Variants in DPYSL3 observed in about 807,000 individuals in gnomAD.
DPYSL3 encodes the protein dihydropyrimidinase like 3.
In DPYSL3, 16 loss-of-function variants were observed where a neutral mutation model predicts 66.1. The ratio of observed to expected loss-of-function variants is 0.24; its 90% CI spans 0.16 to 0.37. The LOEUF (loss-of-function observed/expected upper bound fraction) is 0.37, where lower values mean the gene tolerates loss of function less well. DPYSL3 is among the 10% of genes least tolerant of loss of function. The pLI, the probability that DPYSL3 is intolerant of heterozygous loss-of-function variation, is 1.00. For synonymous variants in DPYSL3, 338 were observed against 345.1 expected (o/e 0.98, Z 0.23); for missense variants, 738 against 916.2 (o/e 0.81, Z 2.51).
chr5:147,394,032 TG>T lies in DPYSL3; in HGVS notation c.*2del. ...TCTGCCCCTCTCTTTGAGGAAGGCT[TG>T]CTTAACTCAGAGATGTGATATTAGA... is the stretch of plus-strand genomic sequence containing the variant. On this transcript the variant is annotated 3_prime_UTR_variant, in exon 14 of 14. Transcript: ENST00000343218. 6.2e-7 allele frequency: 1 copy of T among 1,614,066 alleles called. No individual in the cohort carries two copies. Among genetic ancestry groups the T allele is most frequent in the Non-Finnish European group, 8.5e-7 (1 of 1,179,956 alleles).
intron 11 of DPYSL3, among the ~76,000 whole-genome samples, chr5:147,398,772 G>C (rs895008541): frequency 6.6e-6 from 1 of 152,156 alleles, no homozygotes; most frequent in Non-Finnish European, 1.5e-5. Context: ...ACATCTAGGG[G>C]AAGCTTTCAG....
chr5:147,401,254 T>C (rs1758168436), intron 9 of DPYSL3, among the ~76,000 whole-genome samples: 1 of 152,198 alleles, frequency 6.6e-6, no homozygotes, highest in Non-Finnish European at 1.5e-5. Flanking sequence ...ATAAAGTTGT[T>C]AGGAGAAATA....
chr5:147,487,077 C>G (rs371800403), intron 1 of DPYSL3, among the ~76,000 whole-genome samples: 10 of 152,236 alleles, frequency 6.6e-5, no homozygotes, highest in African/African-American at 2.4e-4. Flanking sequence ...TTTGCAGCTT[C>G]AGGCTGTTTG....
chr5:147,420,970 C>T (rs1269694521), intron 2 of DPYSL3, among the ~76,000 whole-genome samples: 1 of 151,926 alleles, frequency 6.6e-6, no homozygotes, highest in Non-Finnish European at 1.5e-5. Flanking sequence ...GTGGTATGGC[C>T]GTAGCGCCAC....
chr5:147,447,166 A>C (rs1350023846), intron 1 of DPYSL3, among the ~76,000 whole-genome samples: 3 of 152,202 alleles, frequency 2.0e-5, no homozygotes, highest in Non-Finnish European at 2.9e-5. Context: ...GACAGTTAAC[A>C]ATAATAGCTC....
chr5:147,440,299 C>A (rs1442686384), intron 1 of DPYSL3, among the ~76,000 whole-genome samples: 1 of 152,086 alleles, frequency 6.6e-6, no homozygotes, highest in South Asian at 2.1e-4. Context: ...TGAGACTCCA[C>A]CTCAAAAATA....
chr5:147,472,109 G>C (rs998621301), intron 1 of DPYSL3, among the ~76,000 whole-genome samples: 4 of 152,152 alleles, frequency 2.6e-5, no homozygotes, highest in African/African-American at 9.7e-5. Context: ...CAACACTGTA[G>C]TTAGTGATAC....
intron 1 of DPYSL3, among the ~76,000 whole-genome samples, chr5:147,461,994 C>G (rs1752940655): frequency 6.6e-6 from 1 of 152,082 alleles, no homozygotes; most frequent in Non-Finnish European, 1.5e-5. Flanking sequence ...AAGGGAATGG[C>G]AGAGGTTAGC....
At chr5:147,425,043 A>G (rs1752169843) in intron 1 of DPYSL3, 80 bp from the exon 2 acceptor site, 5 of 1,062,778 alleles carry the variant, frequency 4.7e-6, no homozygotes, top group African/African-American at 1.6e-5. Context: ...TTCCCAATTC[A>G]TTGTTCTAGA....
intron 1 of DPYSL3, among the ~76,000 whole-genome samples, chr5:147,446,584 G>A (rs78132243): frequency 1.4e-4 from 22 of 152,104 alleles, no homozygotes; most frequent in African/African-American, 3.9e-4. Context: ...ATGTTTCTCC[G>A]CGTGACTGAA....
chr5:147,411,876 G>A (rs1452688345), intron 6 of DPYSL3, among the ~76,000 whole-genome samples: 5 of 152,196 alleles, frequency 3.3e-5, no homozygotes, highest in South Asian at 2.1e-4. Flanking sequence ...AATGAATAAC[G>A]GTTTCTTGTT....
intron 2 of DPYSL3, among the ~76,000 whole-genome samples, chr5:147,422,877 A>G (rs552585883): frequency 9.2e-5 from 14 of 152,224 alleles, no homozygotes; most frequent in African/African-American, 2.9e-4. Flanking sequence ...GGGGAGGGAT[A>G]GCATTAGGAG....
rs1201440584 is a variant in DPYSL3, at chr5:147,392,202, T to C, written c.*1833A>G. ...GAAGTGTAAACTAAGAGCTACATTT[T>C]CCCTTTTACTACATCTCCCTTAAAA... On this transcript the variant is annotated 3_prime_UTR_variant, in exon 14 of 14. Coordinates refer to ENST00000343218, the MANE Select transcript of DPYSL3 (RefSeq NM_001197294.2). The C allele has an allele frequency of 1.3e-5, 2 of 152,240 alleles. No homozygotes were observed. Among genetic ancestry groups the C allele is most frequent in the African/African-American group, 4.8e-5 (2 of 41,462 alleles). The allele number at this position is 152,240 out of a possible 1,614,324, so 9.4% of individuals were successfully genotyped here.
chr5:147,451,344 A>C (rs1424401486), intron 1 of DPYSL3, among the ~76,000 whole-genome samples: 1 of 152,222 alleles, frequency 6.6e-6, no homozygotes, highest in East Asian at 1.9e-4. Flanking sequence ...AGAGGCTGCT[A>C]TGCAGCACCA....
Position 147,397,656 on chromosome 5 carries a change from T to A in DPYSL3, c.1803+10A>T, listed in dbSNP as rs375708216. 3 of 1,611,324 alleles carry A rather than the reference T, an allele frequency of 1.9e-6. No homozygotes were observed. The highest frequency in any genetic ancestry group is 3.3e-5 in the Admixed American group (2 of 59,926). ...CTCCTGCACCACCTCAGAGCTCCAA[T>A]GCTTTTTACCTTCCTCCGTGCTTTA... is the stretch of plus-strand genomic sequence containing the variant. On this transcript the variant is annotated intron_variant, in intron 12 of 13. Transcript: ENST00000343218.
chr5:147,480,317 G>T (rs1461108946), intron 1 of DPYSL3, among the ~76,000 whole-genome samples: 2 of 152,196 alleles, frequency 1.3e-5, no homozygotes, highest in African/African-American at 4.8e-5. Flanking sequence ...TCTGGGCAAT[G>T]AACCTGTAGG....
At chr5:147,479,092 C>G (rs1344723770) in intron 1 of DPYSL3, among the ~76,000 whole-genome samples, 2 of 152,072 alleles carry the variant, frequency 1.3e-5, no homozygotes, top group African/African-American at 4.8e-5. Flanking sequence ...AAAGTGTAGA[C>G]AGGCAGTAAT....
At chr5:147,417,265 G>A (rs1001078775) in intron 3 of DPYSL3, among the ~76,000 whole-genome samples, 38 of 152,152 alleles carry the variant, frequency 2.5e-4, no homozygotes, top group African/African-American at 8.0e-4. Context: ...ACTCATTCCC[G>A]TAGTCTTCTA....
At chr5:147,397,603 T>C in intron 12 of DPYSL3, 63 bp downstream of exon 12, 8 of 1,535,172 alleles carry the variant, frequency 5.2e-6, no homozygotes, top group South Asian at 1.2e-5. Context: ...TCATGGTTAC[T>C]ATCTCTGAGC....
Sources: gnomAD v4.1 joint callset for allele counts (sites outside exome capture counted in the v4.1 genomes callset) on GRCh38, gnomAD v4.1.1 for gene constraint, MANE v1.5 for transcripts, NCBI Gene and HGNC (gene_info 2026-07-23, HGNC 2026-07-21) for gene names.